The following SRGAP2C variants were observed in gnomAD, a reference collection of about 807,000 sequenced individuals.
SRGAP2C encodes SLIT-ROBO Rho GTPase activating protein 2C, also known as SLIT-ROBO Rho GTPase-activating protein 2C.
In SRGAP2C, 15 loss-of-function variants were observed where a neutral mutation model predicts 25.1. The ratio of observed to expected loss-of-function variants is 0.60; its 90% CI spans 0.40 to 0.92. The LOEUF is 0.92. SRGAP2C is among the 40% of genes least tolerant of loss of function. The pLI, the probability that SRGAP2C is intolerant of heterozygous loss-of-function variation, is 0.00. For synonymous variants in SRGAP2C, 44 were observed against 96.6 expected (o/e 0.46, Z 3.19); for missense variants, 144 against 264.4 (o/e 0.54, Z 3.16).
chr1:121,312,258 A>C (rs1657980486), intron 3 of SRGAP2C, among the ~76,000 whole-genome samples: 1 of 36,380 alleles, frequency 2.7e-5, no homozygotes, highest in Non-Finnish European at 5.5e-5. Context: ...TTTCTGTGGG[A>C]TCAGTGGTGA....
chr1:121,324,044 T>C (rs1553341430), intron 3 of SRGAP2C, among the ~76,000 whole-genome samples: 2 of 152,306 alleles, frequency 1.3e-5, no homozygotes, highest in East Asian at 3.9e-4. Context: ...TAGTCCCTGG[T>C]GCCCTCTTAC....
rs1157237166 is a variant in SRGAP2C, at chr1:121,308,136, G to C, written c.261-16342G>C. Among the ~76,000 whole-genome samples, 279 of 131,458 alleles carry C rather than the reference G, an allele frequency of 2.1e-3. 6 individuals carry two copies. The highest frequency in any genetic ancestry group is 3.4e-3 in the Non-Finnish European group (207 of 60,668). 86.2% of individuals were successfully genotyped at this position (131,458 alleles called of 152,430 possible). ...TTAACTCTTTCAGCACCAGCCCTTTGAGATGCTAAGGGCTTTTGAATGAAA... is the reference window on the plus strand; with the variant it reads ...TTAACTCTTTCAGCACCAGCCCTTTCAGATGCTAAGGGCTTTTGAATGAAA... On this transcript the variant is annotated intron_variant, in intron 3 of 9. Transcript: ENST00000367123.
chr1:121,251,033 TAAAGTCCCATGGA>T (rs1161815445), intron 2 of SRGAP2C, among the ~76,000 whole-genome samples: 3 of 128,854 alleles, frequency 2.3e-5, no homozygotes, highest in Admixed American at 8.4e-5. Context: ...AGGCTTGGGG[TAAAGTCCCATGGA>T]ATAGCTGGAC....
intron 2 of SRGAP2C, among the ~76,000 whole-genome samples, chr1:121,259,843 CTTTTTTTTTTTT>C (rs782529398): frequency 2.8e-5 from 3 of 107,736 alleles, no homozygotes; most frequent in South Asian, 6.3e-4. Flanking sequence ...TCTTCTTCTA[CTTTTTTTTTTTT>C]TTTTTTTTTT....
chr1:121,372,222 G>A (rs1489774179), intron 5 of SRGAP2C, among the ~76,000 whole-genome samples: 1,536 of 152,098 alleles, frequency 0.01, 23 homozygotes, highest in African/African-American at 0.032. Context: ...TTATTCTTTC[G>A]TCTGCCTCTA....
intron 3 of SRGAP2C, among the ~76,000 whole-genome samples, chr1:121,314,569 G>T (rs1658050629): frequency 6.6e-6 from 1 of 151,536 alleles, no homozygotes. Flanking sequence ...CTCTACTTTT[G>T]GTCTTTGATG....
At chr1:121,256,215 G>GA (rs1401814264) in intron 2 of SRGAP2C, among the ~76,000 whole-genome samples, 1 of 150,694 alleles carries the variant, frequency 6.6e-6, no homozygotes, top group African/African-American at 2.4e-5. Flanking sequence ...ATTTCTCAAA[G>GA]AAAAATATGA....
chr1:121,324,910 G>GA (rs1245777134), intron 4 of SRGAP2C, among the ~76,000 whole-genome samples: 5 of 152,146 alleles, frequency 3.3e-5, no homozygotes, highest in African/African-American at 1.2e-4. Flanking sequence ...TACTTGTGGA[G>GA]AAAAAAAATA....
At chr1:121,222,223 A>G (rs1293191410) in intron 2 of SRGAP2C, among the ~76,000 whole-genome samples, 6 of 152,184 alleles carry the variant, frequency 3.9e-5, no homozygotes, top group Admixed American at 2.0e-4. Context: ...AGGAACTGGG[A>G]TCCAGGATCC....
At chr1:121,223,351 T>TTGCGTGTGTG (rs1175833878) in intron 2 of SRGAP2C, among the ~76,000 whole-genome samples, 1 of 64,834 alleles carries the variant, frequency 1.5e-5, no homozygotes, top group Non-Finnish European at 2.9e-5. Flanking sequence ...TGGGAGGAGT[T>TTGCGTGTGTG]TGTGTGTGTG....
At chr1:121,201,641 T>C (rs1344207269) in intron 2 of SRGAP2C, among the ~76,000 whole-genome samples, 1 of 152,280 alleles carries the variant, frequency 6.6e-6, no homozygotes, top group African/African-American at 2.4e-5. Flanking sequence ...CAAAACTTAA[T>C]GTAAAATGAT....
chr1:121,282,800 C>T (rs1196549183), intron 2 of SRGAP2C, among the ~76,000 whole-genome samples: 23 of 147,202 alleles, frequency 1.6e-4, no homozygotes, highest in African/African-American at 4.7e-4. Context: ...CCTTGTGATC[C>T]GCCCGCCTCG....
chr1:121,240,575 AG>A (rs1174665680), intron 2 of SRGAP2C, among the ~76,000 whole-genome samples: 1 of 112,934 alleles, frequency 8.9e-6, no homozygotes, highest in African/African-American at 3.8e-5. Flanking sequence ...TCCAGAGAGG[AG>A]GCAAAGGTAA....
At chr1:121,336,043 T>C (rs1658508160) in intron 4 of SRGAP2C, among the ~76,000 whole-genome samples, 1 of 151,614 alleles carries the variant, frequency 6.6e-6, no homozygotes, top group African/African-American at 2.4e-5. Context: ...TAGAAAATAC[T>C]GTATACTTAA....
intron 2 of SRGAP2C, among the ~76,000 whole-genome samples, chr1:121,213,226 A>G (rs1198768852): frequency 6.8e-6 from 1 of 148,116 alleles, no homozygotes; most frequent in Non-Finnish European, 1.5e-5. Flanking sequence ...TTGTATTTTT[A>G]GTAGAGACAG....
At chr1:121,224,206 G>A (rs1211333533) in intron 2 of SRGAP2C, among the ~76,000 whole-genome samples, 2 of 89,748 alleles carry the variant, frequency 2.2e-5, no homozygotes, top group East Asian at 7.6e-4. Flanking sequence ...TATATATAGG[G>A]TTCTTATTTT....
At chr1:121,253,724 GA>G (rs1411507362) in intron 2 of SRGAP2C, among the ~76,000 whole-genome samples, 1 of 151,342 alleles carries the variant, frequency 6.6e-6, no homozygotes, top group Non-Finnish European at 1.5e-5. Context: ...AGACAGTAGA[GA>G]AACCCTGAGT....
In SRGAP2C at chr1:121,314,958, G is replaced by A. The variant is rs1658062758; in HGVS notation, c.261-9520G>A. 9 of 964,286 alleles carry A rather than the reference G, an allele frequency of 9.3e-6. 2 individuals carry two copies. Among genetic ancestry groups the A allele is most frequent in the African/African-American group, 1.7e-5 (1 of 57,302 alleles). The allele number at this position is 964,286 out of a possible 1,614,324, so 59.7% of individuals were successfully genotyped here. On this transcript the variant is annotated intron_variant, in intron 3 of 9. Coordinates refer to ENST00000367123, the MANE Select transcript of SRGAP2C (RefSeq NM_001329984.2). Reference sequence around the variant, plus strand: ...ACTGAATCATTTATTTTGAGCCAGGGCTTGAAGCAGACAATCCAAGCATCC... The same window carrying A: ...ACTGAATCATTTATTTTGAGCCAGGACTTGAAGCAGACAATCCAAGCATCC...
At chr1:121,219,314 C>T (rs1274559852) in intron 2 of SRGAP2C, among the ~76,000 whole-genome samples, 1 of 115,124 alleles carries the variant, frequency 8.7e-6, no homozygotes, top group East Asian at 2.5e-4. Flanking sequence ...GAAAGTATCA[C>T]CCGTATGTTT....
Sources: gnomAD v4.1 joint callset for allele counts (sites outside exome capture counted in the v4.1 genomes callset) on GRCh38, gnomAD v4.1.1 for gene constraint, MANE v1.5 for transcripts, NCBI Gene and HGNC (gene_info 2026-07-23, HGNC 2026-07-21) for gene names.